The following ANAPC1 variants were observed in gnomAD, a reference collection of about 807,000 sequenced individuals.
ANAPC1 encodes the protein anaphase promoting complex subunit 1, also known as anaphase-promoting complex subunit 1.
Under a neutral mutation model 208.0 loss-of-function variants are expected in ANAPC1, and 36 were observed. The ratio of observed to expected loss-of-function variants is 0.17; its 90% CI spans 0.13 to 0.23. The LOEUF (loss-of-function observed/expected upper bound fraction) is 0.23, where lower values mean the gene tolerates loss of function less well. ANAPC1 is among the 10% of genes least tolerant of loss of function. The pLI is 1.00. For missense variants in ANAPC1, 942 were observed against 2,011.6 expected, an observed-to-expected ratio of 0.47 and a Z score of 10.17; for synonymous variants, 378 against 695.2, an observed-to-expected ratio of 0.54 and a Z score of 7.18.
intron 14 of ANAPC1, among the ~76,000 whole-genome samples, chr2:111,849,532 C>T (rs1406944125): frequency 2.6e-5 from 4 of 152,208 alleles, no homozygotes; most frequent in South Asian, 4.1e-4. Flanking sequence ...TCCACACTCA[C>T]ATGTCCTTTA....
intron 21 of ANAPC1, among the ~76,000 whole-genome samples, chr2:111,828,741 G>C (rs1679969694): frequency 6.6e-6 from 1 of 152,168 alleles, no homozygotes; most frequent in Non-Finnish European, 1.5e-5. Flanking sequence ...GTACTTACAA[G>C]AGACAAATTC....
intron 3 of ANAPC1, among the ~76,000 whole-genome samples, chr2:111,878,078 G>A (rs185009939): frequency 2.2e-4 from 33 of 152,188 alleles, no homozygotes; most frequent in African/African-American, 7.9e-4. Flanking sequence ...CCAAAGTAGA[G>A]GTACATTTGT....
Position 111,769,225 on chromosome 2 carries a change from T to C in ANAPC1, c.*66A>G. On this transcript the variant is annotated 3_prime_UTR_variant, in exon 48 of 48. Transcript: ENST00000341068. ...AAAACTTTATAAACATTGCTTTAGC[T>C]TTGATGTTTGGTCACGTTTGTTGTG... 3.7e-6 allele frequency: 6 copies of C among 1,605,174 alleles called. No individual in the cohort carries two copies. The South Asian group carries it at 6.6e-5, about 18-fold the overall frequency.
rs554651273 is a variant in ANAPC1 at position 111,791,594 on chromosome 2, T to C, written c.4712+768A>G. Reference sequence around the variant, plus strand: ...ACAACACTGAAACTTGAATAATCCATTGCTACATACAACATGAATCTTACA... The same window carrying C: ...ACAACACTGAAACTTGAATAATCCACTGCTACATACAACATGAATCTTACA... On this transcript the variant is annotated intron_variant, in intron 38 of 47. Transcript: ENST00000341068. Among the ~76,000 whole-genome samples the C allele has an allele frequency of 2.5e-3, 379 of 152,218 alleles. 3 individuals carry two copies. Among genetic ancestry groups the C allele is most frequent in the Middle Eastern group, 6.8e-3 (2 of 294 alleles).
intron 24 of ANAPC1, among the ~76,000 whole-genome samples, chr2:111,824,472 G>T (rs1679719628): frequency 6.6e-6 from 1 of 152,010 alleles, no homozygotes; most frequent in African/African-American, 2.4e-5. Context: ...CATAGGTTTG[G>T]GGAATAGGGA....
intron 13 of ANAPC1, among the ~76,000 whole-genome samples, chr2:111,852,602 ATATTT>A (rs372240533): frequency 4.6e-5 from 7 of 152,158 alleles, no homozygotes; most frequent in Non-Finnish European, 8.8e-5. Context: ...TTAATCATGG[ATATTT>A]TATTTTATCA....
At position 111,832,937 on chromosome 2, in the gene ANAPC1, C is replaced by CAAAAAAAAAA. The variant is rs908553180; in HGVS notation, c.2476+273_2476+282dup. Among the ~76,000 whole-genome samples, 354 of 53,604 alleles carry CAAAAAAAAAA rather than the reference C, an allele frequency of 6.6e-3. 62 individuals carry two copies. The highest frequency in any genetic ancestry group is 0.012 in the South Asian group (10 of 818). 35.2% of individuals were successfully genotyped at this position (53,604 alleles called of 152,430 possible). On this transcript the variant is annotated intron_variant, in intron 20 of 47. Coordinates refer to ENST00000341068, the MANE Select transcript of ANAPC1 (RefSeq NM_022662.4). ...TGGGTGACAGAGCGAGACTCAGTCT[C>CAAAAAAAAAA]AAAAAAAAAAAAAAAAAAAGCATCC...
intron 7 of ANAPC1, among the ~76,000 whole-genome samples, chr2:111,867,480 C>G (rs1374937886): frequency 1.3e-5 from 2 of 151,940 alleles, no homozygotes; most frequent in African/African-American, 4.8e-5. Flanking sequence ...CACCTGAAGT[C>G]AGGAGTTCGA....
intron 47 of ANAPC1, among the ~76,000 whole-genome samples, chr2:111,770,534 CCTCTTATT>C (rs1053507040): frequency 4.0e-5 from 6 of 148,834 alleles, no homozygotes; most frequent in Non-Finnish European, 5.9e-5. Flanking sequence ...TTTTTTCTCT[CCTCTTATT>C]CTCTTATTCC....
rs1676530871 is a variant in ANAPC1, at chr2:111,768,121, A to G, written c.*1170T>C. The G allele has an allele frequency of 6.6e-6, 1 of 152,240 alleles. No individual in the cohort carries two copies. The highest frequency in any genetic ancestry group is 2.1e-4 in the South Asian group (1 of 4,836). 9.4% of individuals were successfully genotyped at this position (152,240 alleles called of 1,614,324 possible). A position where few individuals can be genotyped will look rare whatever the true frequency, so the allele number is the denominator to read the frequency against. ...CTTGCTTCTACCAGCTTATGATCCC[A>G]CTGGCCATCCAGGAAGCACAGGACA... On this transcript the variant is annotated 3_prime_UTR_variant, in exon 48 of 48. Coordinates refer to ENST00000341068, the MANE Select transcript of ANAPC1 (RefSeq NM_022662.4).
chr2:111,825,825 T>C lies in ANAPC1; in HGVS notation c.2656A>G (p.Ser886Gly), dbSNP rs1679803605. The C allele has an allele frequency of 3.1e-6, 5 of 1,613,738 alleles. No homozygotes were observed. Among genetic ancestry groups the C allele is most frequent in the Non-Finnish European group, 3.4e-6 (4 of 1,179,734 alleles). ...SIALYILGDE[S>G]LVSDESSQYL... ...TGTGAGGATTCATCAGAAACCAAGCTCTCATCACCAAGTATGTACAGTGCA... is the reference window on the plus strand; with the variant it reads ...TGTGAGGATTCATCAGAAACCAAGCCCTCATCACCAAGTATGTACAGTGCA... Residue 886 changes from serine to glycine, a missense_variant, in exon 22 of 48, where the codon AGC becomes GGC. By Grantham distance (56) the Ser-to-Gly change is moderately conservative. Coordinates refer to ENST00000341068, the MANE Select transcript of ANAPC1 (RefSeq NM_022662.4).
intron 3 of ANAPC1, among the ~76,000 whole-genome samples, chr2:111,875,262 G>A (rs1227811810): frequency 6.6e-6 from 1 of 152,160 alleles, no homozygotes; most frequent in East Asian, 1.9e-4. Flanking sequence ...TTTTTAATTG[G>A]GTAGTTTGTT....
intron 28 of ANAPC1, among the ~76,000 whole-genome samples, chr2:111,812,516 T>C (rs1356186010): frequency 7.9e-6 from 1 of 125,852 alleles, no homozygotes; most frequent in Non-Finnish European, 1.7e-5. Context: ...ATCTCTCAAT[T>C]ACATTAAGTT....
At chr2:111,806,214 C>CA (rs1306503949) in intron 29 of ANAPC1, among the ~76,000 whole-genome samples, 1,374 of 102,124 alleles carry the variant, frequency 0.013, 36 homozygotes, top group African/African-American at 0.051. Flanking sequence ...TAAGAGTATT[C>CA]AAAAAAAAAG....
At chr2:111,849,197 T>G (rs192691561) in intron 14 of ANAPC1, among the ~76,000 whole-genome samples, 398 of 152,310 alleles carry the variant, frequency 2.6e-3, no homozygotes, top group African/African-American at 9.0e-3. Flanking sequence ...ACTAGCAAAA[T>G]CTTCCAGAGA....
At chr2:111,823,292 C>A (rs1249482385) in intron 24 of ANAPC1, among the ~76,000 whole-genome samples, 1 of 151,978 alleles carries the variant, frequency 6.6e-6, no homozygotes, top group Non-Finnish European at 1.5e-5. Context: ...GCTGGCATTA[C>A]AGGCATGAGC....
chr2:111,874,005 AAACCATACTAAACCC>A (rs1217729457), intron 3 of ANAPC1, among the ~76,000 whole-genome samples: 20 of 152,278 alleles, frequency 1.3e-4, no homozygotes, highest in African/African-American at 4.3e-4. Flanking sequence ...ATAGTAGCTC[AAACCATACTAAACCC>A]TATATCCTCT....
intron 13 of ANAPC1, among the ~76,000 whole-genome samples, chr2:111,852,745 GA>G (rs986282500): frequency 5.4e-5 from 8 of 147,142 alleles, no homozygotes; most frequent in Admixed American, 2.0e-4. Flanking sequence ...AATGGTTAAG[GA>G]AAAAAAAAAC....
rs1334010230 is a variant in ANAPC1 at position 111,871,914 on chromosome 2, G to A, written c.611+716C>T. 2.0e-5 allele frequency among the ~76,000 whole-genome samples: 3 copies of A among 152,068 alleles called. No individual in the cohort carries two copies. The East Asian group carries it at 5.8e-4, about 29-fold the overall frequency. On this transcript the variant is annotated intron_variant, in intron 6 of 47. Coordinates refer to ENST00000341068, the MANE Select transcript of ANAPC1 (RefSeq NM_022662.4). ...TGGAGGAGTCTATAGGGTTTTCTAG[G>A]TATATAATCATATTATCAGCAAATA...
Sources: allele counts gnomAD v4.1 joint callset (sites outside exome capture counted in the v4.1 genomes callset), GRCh38; gene constraint gnomAD v4.1.1; transcripts MANE v1.5; gene names NCBI Gene and HGNC (gene_info 2026-07-23, HGNC 2026-07-21).